Variants in DCC observed in about 807,000 individuals in gnomAD.
DCC encodes the protein DCC netrin 1 receptor.
A neutral mutation model predicts 172.5 loss-of-function variants in DCC; 58 were observed. The ratio of observed to expected loss-of-function variants is 0.34; its 90% CI spans 0.27 to 0.42. The LOEUF is 0.42. Ranked by LOEUF, DCC falls within the 10% of genes least tolerant of loss-of-function variation. The probability of loss-of-function intolerance (pLI) is 1.00; values close to 1 mark genes in which losing one functional copy is unlikely to be tolerated. For missense variants in DCC, 1,740 were observed against 1,791.0 expected (o/e 0.97, Z 0.51); for synonymous variants, 709 against 644.5 (o/e 1.10, Z -1.52).
chr18:53,397,265 T>C (rs1384196784), intron 17 of DCC, 43 bp from the exon 18 acceptor site: 2 of 1,578,966 alleles, frequency 1.3e-6, no homozygotes, highest in Non-Finnish European at 1.7e-6. Flanking sequence ...ACCAAGTTGA[T>C]AGAGTTTATT....
At chr18:53,523,723 A>G (rs1334410848) in intron 27 of DCC, among the ~76,000 whole-genome samples, 1 of 152,034 alleles carries the variant, frequency 6.6e-6, no homozygotes, top group Admixed American at 6.6e-5. Context: ...ACACATGGAC[A>G]CAGGGAGGAG....
chr18:52,679,595 G>A (rs17681963), intron 1 of DCC, among the ~76,000 whole-genome samples: 20,373 of 152,060 alleles, frequency 0.13, 1,787 homozygotes, highest in Admixed American at 0.24. Flanking sequence ...AGAACCCTCC[G>A]CAGGAGAAAA....
At chr18:52,457,090 A>T (rs1204407224) in intron 1 of DCC, among the ~76,000 whole-genome samples, 1 of 152,170 alleles carries the variant, frequency 6.6e-6, no homozygotes, top group Non-Finnish European at 1.5e-5. Context: ...TTTGTCACAA[A>T]AGGCTCTTCA....
chr18:52,946,514 A>G (rs2040548441), intron 5 of DCC, among the ~76,000 whole-genome samples: 1 of 152,000 alleles, frequency 6.6e-6, no homozygotes, highest in South Asian at 2.1e-4. Context: ...GTGGCAGTTC[A>G]TCTGGGCTAT....
At chr18:53,238,070 A>G (rs778061400) in intron 12 of DCC, among the ~76,000 whole-genome samples, 1 of 152,182 alleles carries the variant, frequency 6.6e-6, no homozygotes, top group Non-Finnish European at 1.5e-5. Flanking sequence ...AACTTTGTAG[A>G]TGTCAGGGGT....
intron 1 of DCC, among the ~76,000 whole-genome samples, chr18:52,371,443 C>T (rs1343671963): frequency 6.6e-6 from 1 of 152,148 alleles, no homozygotes; most frequent in Admixed American, 6.6e-5. Flanking sequence ...ACCCTGGATA[C>T]CTCCTAAAAT....
At position 53,405,190 on chromosome 18, in the gene DCC, TA is replaced by T. The variant is rs367591898; in HGVS notation, c.2935+2312del. 3.4e-3 allele frequency among the ~76,000 whole-genome samples: 479 copies of T among 139,030 alleles called. 2 individuals carry two copies. The highest frequency in any genetic ancestry group is 0.026 in the South Asian group (114 of 4,330). 91.2% of individuals were successfully genotyped at this position (139,030 alleles called of 152,430 possible). ...AAGTGCAACAATTAATAATAAAAAG[TA>T]AAAAAAAAAAAAAAGAAATGAGCTC... is the stretch of plus-strand genomic sequence containing the variant. On this transcript the variant is annotated intron_variant, in intron 19 of 28. Transcript: ENST00000442544.
At chr18:53,069,693 C>T (rs1294998783) in intron 7 of DCC, among the ~76,000 whole-genome samples, 1 of 151,256 alleles carries the variant, frequency 6.6e-6, no homozygotes, top group African/African-American at 2.4e-5. Context: ...CTGAGAAAAA[C>T]AGTCTTTGTC....
intron 5 of DCC, among the ~76,000 whole-genome samples, chr18:52,991,815 C>A (rs895742359): frequency 6.6e-6 from 1 of 152,162 alleles, no homozygotes; most frequent in Non-Finnish European, 1.5e-5. Context: ...TGGATGAATT[C>A]AGCAGATCTT....
At chr18:52,601,850 A>T (rs1283475271) in intron 1 of DCC, among the ~76,000 whole-genome samples, 1 of 152,024 alleles carries the variant, frequency 6.6e-6, no homozygotes, top group African/African-American at 2.4e-5. Flanking sequence ...TCCAGGGCCA[A>T]CTAAATATTT....
chr18:53,142,468 T>A, intron 7 of DCC, among the ~76,000 whole-genome samples: 1 of 152,226 alleles, frequency 6.6e-6, no homozygotes, highest in South Asian at 2.1e-4. Flanking sequence ...GATGCACTCC[T>A]AATAGATAAA....
intron 5 of DCC, among the ~76,000 whole-genome samples, chr18:53,040,551 C>A (rs529352434): frequency 2.0e-5 from 3 of 152,036 alleles, no homozygotes; most frequent in African/African-American, 7.2e-5. Context: ...TCAGCTAAAT[C>A]TTTAGAAGTA....
At chr18:52,563,370 A>C (rs978134747) in intron 1 of DCC, among the ~76,000 whole-genome samples, 1 of 152,160 alleles carries the variant, frequency 6.6e-6, no homozygotes, top group African/African-American at 2.4e-5. Flanking sequence ...ATGTTTTTTA[A>C]ACACTAATTG....
intron 1 of DCC, among the ~76,000 whole-genome samples, chr18:52,700,377 A>T (rs999086696): frequency 1.2e-4 from 18 of 150,522 alleles, no homozygotes; most frequent in Admixed American, 9.3e-4. Context: ...ACATGCACAC[A>T]CATGCACACT....
intron 7 of DCC, among the ~76,000 whole-genome samples, chr18:53,136,282 T>C (rs1220830202): frequency 6.6e-6 from 1 of 151,950 alleles, no homozygotes; most frequent in East Asian, 1.9e-4. Context: ...ATATAATCAA[T>C]ATTATATGCC....
At chr18:53,139,992 G>C (rs1463363542) in intron 7 of DCC, among the ~76,000 whole-genome samples, 2 of 152,140 alleles carry the variant, frequency 1.3e-5, no homozygotes, top group Non-Finnish European at 2.9e-5. Flanking sequence ...CTGGAACAGT[G>C]CCTGATACAT....
chr18:52,356,981 C>T (rs1363987705), intron 1 of DCC, among the ~76,000 whole-genome samples: 1 of 152,096 alleles, frequency 6.6e-6, no homozygotes, highest in Admixed American at 6.5e-5. Flanking sequence ...GACAGGGTTT[C>T]ACCATGTTGG....
At chr18:53,527,189 T>TAG (rs2046467935) in intron 28 of DCC, among the ~76,000 whole-genome samples, 1 of 126,952 alleles carries the variant, frequency 7.9e-6, no homozygotes, top group African/African-American at 3.1e-5. Context: ...AATAAGACTA[T>TAG]ATAACTCTTC....
In DCC at chr18:52,752,315, A is replaced by T; in HGVS notation, c.353A>T (p.Glu118Val). ...HKPDEGLYQC[E>V]ASLGDSGSII... The stretch of plus-strand genomic sequence containing the variant: ...CCAGATGAGGGACTTTACCAATGTG[A>T]GGCATCTTTAGGAGATTCTGGCTCA... Residue 118 changes from glutamate (E) to valine (V), a missense_variant, in exon 2 of 29, where the codon GAG becomes GTG. Physicochemically the swap from Glu to Val is moderately radical, Grantham distance 121. Transcript: ENST00000442544. The T allele has an allele frequency of 6.2e-7, 1 of 1,614,180 alleles. No homozygotes were observed. The highest frequency in any genetic ancestry group is 8.5e-7 in the Non-Finnish European group (1 of 1,180,026).
Sources: gnomAD v4.1 joint callset for allele counts (sites outside exome capture counted in the v4.1 genomes callset) on GRCh38, gnomAD v4.1.1 for gene constraint, MANE v1.5 for transcripts, NCBI Gene and HGNC (gene_info 2026-07-23, HGNC 2026-07-21) for gene names.